The following PNLIPRP1 variants were observed in gnomAD, a reference collection of about 807,000 sequenced individuals.
PNLIPRP1 encodes the protein pancreatic lipase related protein 1.
A neutral mutation model predicts 54.6 loss-of-function variants in PNLIPRP1; 57 were observed. That is an observed-to-expected ratio of 1.04 (90% confidence interval 0.84 to 1.30). PNLIPRP1 has a LOEUF of 1.30. Ranked by LOEUF, PNLIPRP1 falls within the 50% of genes most tolerant of loss-of-function variation. The pLI is 0.00. For synonymous variants in PNLIPRP1, 232 were observed against 208.8 expected (o/e 1.11, Z -0.96); for missense variants, 567 against 568.5 (o/e 1.00, Z 0.03).
At chr10:116,594,951 AAAG>A (rs1847710082) in intron 5 of PNLIPRP1, 87 bp downstream of exon 5, 1 of 1,446,746 alleles carries the variant, frequency 6.9e-7, no homozygotes, top group Non-Finnish European at 9.4e-7. Flanking sequence ...GTTATGGATT[AAAG>A]AAGGACAAAG....
intron 10 of PNLIPRP1, among the ~76,000 whole-genome samples, chr10:116,603,362 T>C (rs1316010277): frequency 3.9e-5 from 6 of 152,228 alleles, no homozygotes; most frequent in Non-Finnish European, 5.9e-5. Context: ...CAGAACTTTC[T>C]GCAATGAGGG....
At chr10:116,593,935 C>G (rs547212575) in intron 4 of PNLIPRP1, 1 of 131,648 alleles carries the variant, frequency 7.6e-6, no homozygotes, top group Non-Finnish European at 1.4e-5. Flanking sequence ...CCAGCCTGGG[C>G]GACAGAATGA....
Position 116,592,459 on chromosome 10 carries a change from T to G in PNLIPRP1, c.248T>G (p.Phe83Cys). ...CCATCAACAATTGAGGCATCAAATT[T>G]TCAAATGGACAGAAAGACCCGGTTC... ...SDPSTIEASN[F>C]QMDRKTRFII... Residue 83 changes from phenylalanine to cysteine, a missense_variant, in exon 4 of 13, where the codon TTT (phenylalanine) becomes TGT (cysteine). Coordinates refer to ENST00000358834, the MANE Select transcript of PNLIPRP1 (RefSeq NM_006229.4). 6.2e-7 allele frequency: 1 copy of G among 1,613,452 alleles called. No homozygotes were observed. The highest frequency in any genetic ancestry group is 8.5e-7 in the Non-Finnish European group (1 of 1,179,582).
At chr10:116,604,311 A>T (rs1554865259) in intron 11 of PNLIPRP1, among the ~76,000 whole-genome samples, 173 bp downstream of exon 11, 1 of 152,226 alleles carries the variant, frequency 6.6e-6, no homozygotes, top group African/African-American at 2.4e-5. Context: ...TTGCTTTATA[A>T]GCTTGTAATA....
intron 8 of PNLIPRP1, among the ~76,000 whole-genome samples, chr10:116,599,415 G>A (rs1410555911): frequency 6.6e-6 from 1 of 152,208 alleles, no homozygotes; most frequent in Non-Finnish European, 1.5e-5. Flanking sequence ...GCCAGGTCTA[G>A]AAGGTATAAT....
At chr10:116,595,325 A>G (rs559740718) in intron 5 of PNLIPRP1, 1 of 161,166 alleles carries the variant, frequency 6.2e-6, no homozygotes, top group South Asian at 1.8e-4. Context: ...TATGGGTCCT[A>G]TTGATGTTGG....
Position 116,600,040 on chromosome 10 carries a change from T to C in PNLIPRP1, c.815-7T>C, listed in dbSNP as rs782204334. 1.2e-5 allele frequency: 20 copies of C among 1,603,512 alleles called. No homozygotes were observed. The highest frequency in any genetic ancestry group is 1.6e-5 in the Non-Finnish European group (19 of 1,170,482). ...ACCTGTTCAGGTCTCCTTATTTGTTTTCCCAGGAACCCGGGACTTTGTGGC... is the reference window on the plus strand; with the variant it reads ...ACCTGTTCAGGTCTCCTTATTTGTTCTCCCAGGAACCCGGGACTTTGTGGC... On this transcript the variant is annotated splice_polypyrimidine_tract_variant and splice_region_variant and intron_variant, in intron 8 of 12. Coordinates refer to ENST00000358834, the MANE Select transcript of PNLIPRP1 (RefSeq NM_006229.4).
intron 6 of PNLIPRP1, 110 bp from the exon 7 acceptor site, chr10:116,597,718 C>A: frequency 8.2e-7 from 1 of 1,224,434 alleles, no homozygotes; most frequent in Non-Finnish European, 1.2e-6. Flanking sequence ...CACTCTGGTG[C>A]ATGGTACCCA....
chr10:116,595,960 C>G (rs370724259), intron 5 of PNLIPRP1: 1 of 366,138 alleles, frequency 2.7e-6, no homozygotes, highest in East Asian at 5.1e-5. Flanking sequence ...AAGAGAAGAA[C>G]AAACCAGGCC....
At chr10:116,592,654 T>C (rs782602657) in intron 4 of PNLIPRP1, 113 bp downstream of exon 4, 1 of 1,292,394 alleles carries the variant, frequency 7.7e-7, no homozygotes, top group African/African-American at 1.5e-5. Flanking sequence ...TTTATGCAAT[T>C]AAAATGCTTC....
At position 116,600,150 on chromosome 10, in the gene PNLIPRP1, C is replaced by T; in HGVS notation, c.918C>T (p.Tyr306=). 6.2e-7 allele frequency: 1 copy of T among 1,608,220 alleles called. No individual in the cohort carries two copies. Among genetic ancestry groups the T allele is most frequent in the South Asian group, 1.1e-5 (1 of 90,954 alleles). ...TTGCTGCATATCCCTGCACTTCCTA[C>T]AAGTCCTTTGAGTCTGTAAGCTATT... ...DGFAAYPCTS[Y]KSFESDKCFP... is the part of the protein sequence containing the mutation. Residue 306 remains tyrosine (Y), a synonymous_variant, in exon 9 of 13, where the codon TAC becomes TAT. Coordinates refer to ENST00000358834, the MANE Select transcript of PNLIPRP1 (RefSeq NM_006229.4).
chr10:116,592,331 G>A, intron 3 of PNLIPRP1, 85 bp from the exon 4 acceptor site: 5 of 1,441,076 alleles, frequency 3.5e-6, no homozygotes, highest in Non-Finnish European at 4.7e-6. Flanking sequence ...AAAAGTAGAG[G>A]CATTGGCGCA....
At position 116,605,570 on chromosome 10, in the gene PNLIPRP1, G is replaced by A. The variant is rs1554865491; in HGVS notation, c.1340+17G>A. On this transcript the variant is annotated intron_variant, in intron 12 of 12. Coordinates refer to ENST00000358834, the MANE Select transcript of PNLIPRP1 (RefSeq NM_006229.4). ...GAAGACAGTGTATGTATCTTTGCTG[G>A]CTGGTGCCTAAAAATGTTTGCAGAG... The A allele has an allele frequency of 6.8e-7, 1 of 1,477,338 alleles. No individual in the cohort carries two copies. Among genetic ancestry groups the A allele is most frequent in the Non-Finnish European group, 9.1e-7 (1 of 1,095,840 alleles). The allele number at this position is 1,477,338 out of a possible 1,614,324, so 91.5% of individuals were successfully genotyped here. A position where few individuals can be genotyped will look rare whatever the true frequency, so the allele number is the denominator to read the frequency against.
intron 9 of PNLIPRP1, chr10:116,600,388 C>T (rs1847813600): frequency 2.2e-6 from 1 of 447,870 alleles, no homozygotes; most frequent in Admixed American, 3.8e-5. Flanking sequence ...ACTGGGAAAT[C>T]AGAGAGAAAG....
At position 116,596,296 on chromosome 10, in the gene PNLIPRP1, A is replaced by G; in HGVS notation, c.548A>G (p.Lys183Arg). Residue 183 changes from lysine (K) to arginine (R), a missense_variant, in exon 6 of 13, where the codon AAG (lysine) becomes AGG (arginine). By Grantham distance (26) the Lys-to-Arg change is conservative. Coordinates refer to ENST00000358834, the MANE Select transcript of PNLIPRP1 (RefSeq NM_006229.4). Reference protein sequence around the residue: ...GAHVAGEAGSKTPGLSRITGL... With the variant: ...GAHVAGEAGSRTPGLSRITGL... ...CACGTGGCTGGAGAGGCAGGAAGCA[A>G]GACTCCAGGCCTGAGCAGGATTACA... The G allele has an allele frequency of 2.5e-6, 4 of 1,613,268 alleles. No individual in the cohort carries two copies. The highest frequency in any genetic ancestry group is 3.4e-6 in the Non-Finnish European group (4 of 1,179,204).
At chr10:116,591,316 G>A in intron 2 of PNLIPRP1, 138 bp downstream of exon 2, 1 of 668,682 alleles carries the variant, frequency 1.5e-6, no homozygotes, top group Non-Finnish European at 2.6e-6. Flanking sequence ...CACTCTGCCT[G>A]GGAGAGTAGG....
At chr10:116,593,234 A>G (rs1178283094) in intron 4 of PNLIPRP1, 2 of 156,146 alleles carry the variant, frequency 1.3e-5, no homozygotes, top group Non-Finnish European at 2.8e-5. Context: ...TGTCACCTAC[A>G]TGTAATATAG....
intron 6 of PNLIPRP1, among the ~76,000 whole-genome samples, chr10:116,596,671 G>T (rs373736075): frequency 6.6e-6 from 1 of 152,068 alleles, no homozygotes; most frequent in African/African-American, 2.4e-5. Context: ...ATCAAGGAGG[G>T]TCTATATTGC....
At chr10:116,599,967 C>G (rs1847804123) in intron 8 of PNLIPRP1, 80 bp from the exon 9 acceptor site, 4 of 853,110 alleles carry the variant, frequency 4.7e-6, no homozygotes, top group Non-Finnish European at 5.9e-6. Flanking sequence ...ACTTTGGAAC[C>G]ATCCCATTTG....
Sources: allele counts gnomAD v4.1 joint callset (sites outside exome capture counted in the v4.1 genomes callset), GRCh38; gene constraint gnomAD v4.1.1; transcripts MANE v1.5; gene names NCBI Gene and HGNC (gene_info 2026-07-23, HGNC 2026-07-21).